KCNIP4: variants seen among roughly 807,000 people sequenced by gnomAD.
The protein encoded by KCNIP4 is potassium voltage-gated channel interacting protein 4.
In KCNIP4, 12 loss-of-function variants were observed where a neutral mutation model predicts 34.0. That is an observed-to-expected ratio of 0.35 (90% CI 0.23 to 0.57). The LOEUF is 0.57. Ranked by LOEUF, KCNIP4 falls within the 20% of genes least tolerant of loss-of-function variation. The pLI is 0.83. For synonymous variants in KCNIP4, 124 were observed against 102.2 expected, an observed-to-expected ratio of 1.21 and a Z score of -1.29; for missense variants, 238 against 311.7, an observed-to-expected ratio of 0.76 and a Z score of 1.78.
intron 1 of KCNIP4, among the ~76,000 whole-genome samples, chr4:21,755,399 A>C (rs1717439478): frequency 6.6e-6 from 1 of 152,298 alleles, no homozygotes; most frequent in African/African-American, 2.4e-5. Flanking sequence ...TGGACAAATA[A>C]AATTAGGTTT....
intron 1 of KCNIP4, among the ~76,000 whole-genome samples, chr4:21,054,912 T>C (rs960411941): frequency 2.0e-5 from 3 of 152,140 alleles, no homozygotes; most frequent in Non-Finnish European, 2.9e-5. Flanking sequence ...AAATCATTCA[T>C]ATGTTGGACT....
At chr4:20,833,458 C>T (rs1274159517) in intron 3 of KCNIP4, among the ~76,000 whole-genome samples, 2 of 151,866 alleles carry the variant, frequency 1.3e-5, no homozygotes, top group Non-Finnish European at 2.9e-5. Flanking sequence ...GCACTCCAGC[C>T]TGGGCAACAG....
At chr4:21,769,760 T>C (rs939955374) in intron 1 of KCNIP4, among the ~76,000 whole-genome samples, 1 of 152,122 alleles carries the variant, frequency 6.6e-6, no homozygotes, top group Non-Finnish European at 1.5e-5. Flanking sequence ...GAATCCCTTA[T>C]TATGTCTATT....
At chr4:21,588,847 TC>T (rs1346408466) in intron 1 of KCNIP4, among the ~76,000 whole-genome samples, 1 of 151,652 alleles carries the variant, frequency 6.6e-6, no homozygotes, top group Non-Finnish European at 1.5e-5. Flanking sequence ...TAGTAATAAG[TC>T]ACTACGACAT....
intron 1 of KCNIP4, among the ~76,000 whole-genome samples, chr4:21,924,105 A>G (rs1456036585): frequency 6.6e-6 from 1 of 152,234 alleles, no homozygotes; most frequent in African/African-American, 2.4e-5. Context: ...CCAGAAAATT[A>G]GTAGATACAA....
intron 1 of KCNIP4, among the ~76,000 whole-genome samples, chr4:21,841,239 A>G (rs764971060): frequency 3.9e-5 from 6 of 152,072 alleles, no homozygotes; most frequent in Non-Finnish European, 8.8e-5. Flanking sequence ...ACATTCTACC[A>G]TTTTACTTTC....
chr4:20,819,933 TA>T (rs1716896255), intron 3 of KCNIP4, among the ~76,000 whole-genome samples: 1 of 152,208 alleles, frequency 6.6e-6, no homozygotes, highest in Non-Finnish European at 1.5e-5. Context: ...AAATTTCTAT[TA>T]TTGATAAGTT....
intron 1 of KCNIP4, among the ~76,000 whole-genome samples, chr4:21,013,049 G>T (rs1291178835): frequency 8.5e-5 from 13 of 152,176 alleles, no homozygotes; most frequent in Admixed American, 8.5e-4. Flanking sequence ...AGAATGAACT[G>T]AAATGATCAA....
At chr4:20,865,904 A>T (rs1033646256) in intron 2 of KCNIP4, among the ~76,000 whole-genome samples, 1 of 152,036 alleles carries the variant, frequency 6.6e-6, no homozygotes, top group East Asian at 1.9e-4. Context: ...GCTTGACTAC[A>T]GTAAGTGTTT....
chr4:21,311,556 G>C (rs745558427), intron 1 of KCNIP4, among the ~76,000 whole-genome samples: 1 of 152,044 alleles, frequency 6.6e-6, no homozygotes, highest in Non-Finnish European at 1.5e-5. Context: ...GGGTGTGATG[G>C]TGCGTGCCTG....
chr4:21,324,359 G>T (rs1453469396), intron 1 of KCNIP4, among the ~76,000 whole-genome samples: 2 of 151,812 alleles, frequency 1.3e-5, no homozygotes, highest in African/African-American at 4.8e-5. Context: ...AACATTTTCT[G>T]TTAGTAGTTT....
chr4:21,473,196 T>C (rs34945694), intron 1 of KCNIP4, among the ~76,000 whole-genome samples: 19,002 of 152,256 alleles, frequency 0.12, 1,353 homozygotes, highest in South Asian at 0.21. Flanking sequence ...CTTTTGCTGC[T>C]GTAAGACATT....
chr4:21,545,230 C>T (rs1738040621), intron 1 of KCNIP4, among the ~76,000 whole-genome samples: 1 of 152,072 alleles, frequency 6.6e-6, no homozygotes, highest in African/African-American at 2.4e-5. Flanking sequence ...AGGGGAGGAA[C>T]ACTCAGTTCT....
chr4:21,078,828 G>A (rs1168362057), intron 1 of KCNIP4, among the ~76,000 whole-genome samples: 1 of 152,030 alleles, frequency 6.6e-6, no homozygotes, highest in East Asian at 1.9e-4. Context: ...TTCTTCTCTT[G>A]TCCCTGTACT....
Position 21,482,016 on chromosome 4 carries a change from T to C in KCNIP4, c.61+466555A>G, listed in dbSNP as rs1731471114. Among the ~76,000 whole-genome samples, 4 of 152,114 alleles carry C rather than the reference T, an allele frequency of 2.6e-5. No individual in the cohort carries two copies. The South Asian group carries it at 8.3e-4, about 32-fold the overall frequency. ...CTCCTGTATTGGGTGCATATATATT[T>C]AGGATAGTTAGCTCTTCTTGTCGAA... On this transcript the variant is annotated intron_variant, in intron 1 of 8. Transcript: ENST00000382152.
chr4:20,906,815 G>A (rs1425277788), intron 1 of KCNIP4, among the ~76,000 whole-genome samples: 1 of 152,210 alleles, frequency 6.6e-6, no homozygotes, highest in Non-Finnish European at 1.5e-5. Flanking sequence ...CTTCATGGAT[G>A]TATGGAATGA....
intron 1 of KCNIP4, among the ~76,000 whole-genome samples, chr4:21,669,946 T>C (rs1749345366): frequency 6.6e-6 from 1 of 152,186 alleles, no homozygotes; most frequent in South Asian, 2.1e-4. Flanking sequence ...ATAAAAATTA[T>C]ACCTATACCT....
intron 2 of KCNIP4, among the ~76,000 whole-genome samples, chr4:20,866,037 C>G (rs1166565565): frequency 1.3e-5 from 2 of 151,878 alleles, no homozygotes; most frequent in East Asian, 3.9e-4. Flanking sequence ...CTAAAAAAAG[C>G]TCTGGACCAG....
chr4:21,067,437 A>G (rs1744499692), intron 1 of KCNIP4, among the ~76,000 whole-genome samples: 1 of 152,102 alleles, frequency 6.6e-6, no homozygotes, highest in Non-Finnish European at 1.5e-5. Flanking sequence ...AGTGAGATAG[A>G]GTGCCAGGCA....
Sources: allele counts gnomAD v4.1 joint callset (sites outside exome capture counted in the v4.1 genomes callset), GRCh38; gene constraint gnomAD v4.1.1; transcripts MANE v1.5; gene names NCBI Gene and HGNC (gene_info 2026-07-23, HGNC 2026-07-21).